Variants in OR2F2 observed in about 807,000 individuals in gnomAD.
The protein encoded by OR2F2 is olfactory receptor 2F2.
For synonymous variants in OR2F2, 161 were observed against 159.0 expected, an observed-to-expected ratio of 1.01 and a Z score of -0.09; for missense variants, 375 against 380.2, an observed-to-expected ratio of 0.99 and a Z score of 0.11.
At position 143,935,368 on chromosome 7, in the gene OR2F2, G is replaced by A. The variant is rs767270054; in HGVS notation, c.136G>A (p.Val46Ile). The change falls in exon 1 of 1, where the codon GTC (valine) becomes ATC (isoleucine). Residue 46 changes from valine to isoleucine, a missense_variant. Transcript: ENST00000408955. ...LMTVLGNCLI[V>I]LLIRLDSRLH... ...GACAGTGCTGGGGAACTGTCTCATT[G>A]TCCTTCTGATCAGACTGGACAGCCG... The A allele has an allele frequency of 1.2e-6, 2 of 1,614,042 alleles. No individual in the cohort carries two copies. The highest frequency in any genetic ancestry group is 1.7e-6 in the Non-Finnish European group (2 of 1,180,006).
In OR2F2 at chr7:143,936,138, T is replaced by G. The variant is rs758638058; in HGVS notation, c.906T>G (p.His302Gln). ...LRNKEVKGAW[H>Q]KLLEKFSGLT... ...ATAAAGAGGTGAAGGGGGCCTGGCA[T>G]AAACTATTAGAGAAATTCTCTGGGT... The change falls in exon 1 of 1, where the codon CAT (histidine) becomes CAG (glutamine). Residue 302 changes from histidine (H) to glutamine (Q), a missense_variant. Coordinates refer to ENST00000408955, the MANE Select transcript of OR2F2 (RefSeq NM_001004685.1). The G allele has an allele frequency of 1.2e-5, 19 of 1,612,232 alleles. No homozygotes were observed. The highest frequency in any genetic ancestry group is 1.7e-5 in the Admixed American group (1 of 59,598).
chr7:143,936,097 A>G lies in OR2F2; in HGVS notation c.865A>G (p.Ile289Val). 1 of 1,614,068 alleles carries G rather than the reference A, an allele frequency of 6.2e-7. No individual in the cohort carries two copies. The highest frequency in any genetic ancestry group is 2.2e-5 in the East Asian group (1 of 44,884). The change falls in exon 1 of 1, where the codon ATT (isoleucine) becomes GTT (valine). Residue 289 changes from isoleucine (I) to valine (V), a missense_variant. Ile to Val is a conservative substitution (Grantham distance 29, BLOSUM62 3). Transcript: ENST00000408955. ...AIVMPLLNPV[I>V]YSLRNKEVKG... ...TGTTATGCCTCTGCTGAACCCTGTG[A>G]TTTATAGTCTAAGGAATAAAGAGGT...
chr7:143,935,405 C>G lies in OR2F2; in HGVS notation c.173C>G (p.Pro58Arg). Residue 58 changes from proline to arginine, a missense_variant, in exon 1 of 1, where the codon CCC becomes CGC. By Grantham distance (103) the Pro-to-Arg change is moderately radical. Transcript: ENST00000408955. ...AGACTGGACAGCCGACTCCACACTC[C>G]CATGTATTTCTTTCTCACCAACCTC... is the stretch of plus-strand genomic sequence containing the variant. Reference protein sequence around the residue: ...LIRLDSRLHTPMYFFLTNLSL... With the variant: ...LIRLDSRLHTRMYFFLTNLSL... 1.9e-6 allele frequency: 3 copies of G among 1,614,164 alleles called. No homozygotes were observed. Among genetic ancestry groups the G allele is most frequent in the Non-Finnish European group, 2.5e-6 (3 of 1,180,024 alleles).
rs575599965 is a variant in OR2F2 at position 143,935,252 on chromosome 7, C to T, written c.20C>T (p.Thr7Met). 23 of 1,611,090 alleles carry T rather than the reference C, an allele frequency of 1.4e-5. No homozygotes were observed. Among genetic ancestry groups the T allele is most frequent in the East Asian group, 1.1e-4 (5 of 44,834 alleles). MEIDNQ[T>M]WVREFILLGL... Reference sequence around the variant, plus strand: ...TTTTAAATGGAAATAGATAACCAGACGTGGGTGAGAGAATTTATTCTCCTT... The same window carrying T: ...TTTTAAATGGAAATAGATAACCAGATGTGGGTGAGAGAATTTATTCTCCTT... The change falls in exon 1 of 1, where the codon ACG becomes ATG. Residue 7 changes from threonine to methionine, a missense_variant. Transcript: ENST00000408955.
At position 143,935,996 on chromosome 7, in the gene OR2F2, C is replaced by A. The variant is rs755050627; in HGVS notation, c.764C>A (p.Thr255Lys). Residue 255 changes from threonine (T) to lysine (K), a missense_variant, in exon 1 of 1, where the codon ACG (threonine) becomes AAG (lysine). Physicochemically the swap from Thr to Lys is moderately conservative, Grantham distance 78. Coordinates refer to ENST00000408955, the MANE Select transcript of OR2F2 (RefSeq NM_001004685.1). The stretch of plus-strand genomic sequence containing the variant: ...GTGGTTGCCCTGTGCTACGGCACAA[C>A]GATTTTCACTTACATCCAGCCCCAC... ...LTVVALCYGT[T>K]IFTYIQPHSG... is the part of the protein sequence containing the mutation. 6.2e-7 allele frequency: 1 copy of A among 1,613,958 alleles called. No individual in the cohort carries two copies. Among genetic ancestry groups the A allele is most frequent in the East Asian group, 2.2e-5 (1 of 44,870 alleles).
Position 143,935,415 on chromosome 7 carries a change from C to A in OR2F2, c.183C>A (p.Phe61Leu). The change falls in exon 1 of 1, where the codon TTC (phenylalanine) becomes TTA (leucine). Residue 61 changes from phenylalanine (F) to leucine (L), a missense_variant. Transcript: ENST00000408955. ...LDSRLHTPMY[F>L]FLTNLSLVDV... ...GCCGACTCCACACTCCCATGTATTT[C>A]TTTCTCACCAACCTCTCCCTTGTCG... The A allele has an allele frequency of 6.2e-7, 1 of 1,614,210 alleles. No individual in the cohort carries two copies. The highest frequency in any genetic ancestry group is 8.5e-7 in the Non-Finnish European group (1 of 1,180,034).
chr7:143,935,425 A>C lies in OR2F2; in HGVS notation c.193A>C (p.Asn65His). 6.2e-7 allele frequency: 1 copy of C among 1,614,076 alleles called. No individual in the cohort carries two copies. Among genetic ancestry groups the C allele is most frequent in the Non-Finnish European group, 8.5e-7 (1 of 1,179,996 alleles). ...LHTPMYFFLTNLSLVDVSYAT... is the reference protein window; with the variant it reads ...LHTPMYFFLTHLSLVDVSYAT... ...CACTCCCATGTATTTCTTTCTCACC[A>C]ACCTCTCCCTTGTCGATGTCTCCTA... Residue 65 changes from asparagine to histidine, a missense_variant, in exon 1 of 1, where the codon AAC (asparagine) becomes CAC (histidine). Coordinates refer to ENST00000408955, the MANE Select transcript of OR2F2 (RefSeq NM_001004685.1).
At position 143,935,868 on chromosome 7, in the gene OR2F2, C is replaced by T. The variant is rs774788890; in HGVS notation, c.636C>T (p.Cys212=). ...TTGTTCTTCTGATGACACCTTTCTG[C>T]CTGGTTCTGTTGTCCTACATCCGGA... ...SSIVLLMTPF[C]LVLLSYIRII... is the part of the protein sequence containing the mutation. Residue 212 remains cysteine, a synonymous_variant, in exon 1 of 1, where the codon TGC becomes TGT. Coordinates refer to ENST00000408955, the MANE Select transcript of OR2F2 (RefSeq NM_001004685.1). 8.1e-6 allele frequency: 13 copies of T among 1,614,080 alleles called. No homozygotes were observed. In the African/African-American group the frequency reaches 1.7e-4, roughly 22 times the overall value.
rs757395398 is a variant in OR2F2 at position 143,935,409 on chromosome 7, G to A, written c.177G>A (p.Met59Ile). 4.6e-5 allele frequency: 74 copies of A among 1,614,036 alleles called. 1 individual carries two copies. The Admixed American group carries it at 4.8e-4, about 11-fold the overall frequency. The stretch of plus-strand genomic sequence containing the variant: ...TGGACAGCCGACTCCACACTCCCAT[G>A]TATTTCTTTCTCACCAACCTCTCCC... ...IRLDSRLHTP[M>I]YFFLTNLSLV... Residue 59 changes from methionine (M) to isoleucine (I), a missense_variant, in exon 1 of 1, where the codon ATG (methionine) becomes ATA (isoleucine). Coordinates refer to ENST00000408955, the MANE Select transcript of OR2F2 (RefSeq NM_001004685.1).
Position 143,936,025 on chromosome 7 carries a change from G to C in OR2F2, c.793G>C (p.Gly265Arg). ...TIFTYIQPHS[G>R]PSVLQEKLIS... ...TTTCACTTACATCCAGCCCCACTCT[G>C]GTCCCTCAGTCCTTCAAGAGAAGCT... Residue 265 changes from glycine to arginine, a missense_variant, in exon 1 of 1, where the codon GGT becomes CGT. Physicochemically the swap from Gly to Arg is moderately radical, Grantham distance 125 (BLOSUM62 -2). Transcript: ENST00000408955. 6.2e-7 allele frequency: 1 copy of C among 1,613,904 alleles called. No homozygotes were observed.
At position 143,935,684 on chromosome 7, in the gene OR2F2, G is replaced by C; in HGVS notation, c.452G>C (p.Ser151Thr). Reference protein sequence around the residue: ...CARLAITSWVSGSINSLVQTA... With the variant: ...CARLAITSWVTGSINSLVQTA... ...AGGTTGGCCATCACATCCTGGGTCA[G>C]TGGCTCCATCAACTCTCTTGTGCAG... The change falls in exon 1 of 1, where the codon AGT (serine) becomes ACT (threonine). Residue 151 changes from serine (S) to threonine (T), a missense_variant. Transcript: ENST00000408955. 1 of 1,614,226 alleles carries C rather than the reference G, an allele frequency of 6.2e-7. No homozygotes were observed. Among genetic ancestry groups the C allele is most frequent in the Non-Finnish European group, 8.5e-7 (1 of 1,180,038 alleles).
In OR2F2 at chr7:143,936,039, T is replaced by G. The variant is rs371724112; in HGVS notation, c.807T>G (p.Leu269=). The change falls in exon 1 of 1, where the codon CTT becomes CTG. Residue 269 remains leucine, a synonymous_variant. Coordinates refer to ENST00000408955, the MANE Select transcript of OR2F2 (RefSeq NM_001004685.1). ...YIQPHSGPSV[L]QEKLISVFYA... The stretch of plus-strand genomic sequence containing the variant: ...AGCCCCACTCTGGTCCCTCAGTCCT[T>G]CAAGAGAAGCTGATCTCTGTCTTCT... The G allele has an allele frequency of 6.2e-7, 1 of 1,613,952 alleles. No homozygotes were observed. Among genetic ancestry groups the G allele is most frequent in the Non-Finnish European group, 8.5e-7 (1 of 1,180,038 alleles).
Position 143,936,018 on chromosome 7 carries a change from C to A in OR2F2, c.786C>A (p.Pro262=). 6.2e-7 allele frequency: 1 copy of A among 1,614,040 alleles called. No individual in the cohort carries two copies. Among genetic ancestry groups the A allele is most frequent in the Non-Finnish European group, 8.5e-7 (1 of 1,180,034 alleles). ...YGTTIFTYIQ[P]HSGPSVLQEK... ...CAACGATTTTCACTTACATCCAGCC[C>A]CACTCTGGTCCCTCAGTCCTTCAAG... The change falls in exon 1 of 1, where the codon CCC becomes CCA. Residue 262 remains proline (P), a synonymous_variant. Coordinates refer to ENST00000408955, the MANE Select transcript of OR2F2 (RefSeq NM_001004685.1).
Position 143,935,549 on chromosome 7 carries a change from C to T in OR2F2, c.317C>T (p.Ala106Val), listed in dbSNP as rs531071985. The T allele has an allele frequency of 2.1e-4, 340 of 1,614,196 alleles. 6 individuals are homozygous for T. The South Asian group carries it at 3.1e-3, about 15-fold the overall frequency. Residue 106 changes from alanine to valine, a missense_variant, in exon 1 of 1, where the codon GCC (alanine) becomes GTC (valine). Ala to Val is a moderately conservative substitution (Grantham distance 64, BLOSUM62 0). Transcript: ENST00000408955. ...SCAAQLFFSL[A>V]LGGIEFVLLA... ...GCAGCCCAGTTATTTTTCTCCCTGG[C>T]CTTGGGTGGGATTGAGTTTGTTCTC...
rs1286872167 is a variant in OR2F2 at position 143,935,285 on chromosome 7, C to A, written c.53C>A (p.Ser18Tyr). 3 of 1,613,976 alleles carry A rather than the reference C, an allele frequency of 1.9e-6. No homozygotes were observed. The highest frequency in any genetic ancestry group is 1.3e-5 in the African/African-American group (1 of 74,902). Residue 18 changes from serine (S) to tyrosine (Y), a missense_variant, in exon 1 of 1, where the codon TCC becomes TAC. Transcript: ENST00000408955. ...WVREFILLGL[S>Y]SDWCTQISLF... ...AGAGAATTTATTCTCCTTGGCTTATCCAGTGACTGGTGCACTCAGATATCC... is the reference window on the plus strand; with the variant it reads ...AGAGAATTTATTCTCCTTGGCTTATACAGTGACTGGTGCACTCAGATATCC...
chr7:143,935,479 G>A lies in OR2F2; in HGVS notation c.247G>A (p.Ala83Thr), dbSNP rs770609678. The change falls in exon 1 of 1, where the codon GCA becomes ACA. Residue 83 changes from alanine to threonine, a missense_variant. Coordinates refer to ENST00000408955, the MANE Select transcript of OR2F2 (RefSeq NM_001004685.1). ...YATSVVPQLLAHFLAEHKAIP... is the reference protein window; with the variant it reads ...YATSVVPQLLTHFLAEHKAIP... The stretch of plus-strand genomic sequence containing the variant: ...CACAAGCGTAGTCCCCCAGCTGCTG[G>A]CACATTTTCTTGCAGAACATAAAGC... The A allele has an allele frequency of 6.2e-6, 10 of 1,614,038 alleles. No homozygotes were observed. Among genetic ancestry groups the A allele is most frequent in the Non-Finnish European group, 8.5e-6 (10 of 1,180,048 alleles).
chr7:143,935,276 T>A lies in OR2F2; in HGVS notation c.44T>A (p.Leu15His). The change falls in exon 1 of 1, where the codon CTT becomes CAT. Residue 15 changes from leucine to histidine, a missense_variant. Leu to His is a moderately conservative substitution (Grantham distance 99, BLOSUM62 -3). Transcript: ENST00000408955. Reference protein sequence around the residue: ...NQTWVREFILLGLSSDWCTQI... With the variant: ...NQTWVREFILHGLSSDWCTQI... Reference sequence around the variant, plus strand: ...ACGTGGGTGAGAGAATTTATTCTCCTTGGCTTATCCAGTGACTGGTGCACT... The same window carrying A: ...ACGTGGGTGAGAGAATTTATTCTCCATGGCTTATCCAGTGACTGGTGCACT... 6.2e-7 allele frequency: 1 copy of A among 1,614,154 alleles called. No individual in the cohort carries two copies. The highest frequency in any genetic ancestry group is 2.2e-5 in the East Asian group (1 of 44,892).
In OR2F2 at chr7:143,935,424, C is replaced by T; in HGVS notation, c.192C>T (p.Thr64=). 2 of 1,614,156 alleles carry T rather than the reference C, an allele frequency of 1.2e-6. No individual in the cohort carries two copies. Among genetic ancestry groups the T allele is most frequent in the Admixed American group, 1.7e-5 (1 of 60,016 alleles). The part of the protein sequence containing the change: ...RLHTPMYFFL[T]NLSLVDVSYA... ...ACACTCCCATGTATTTCTTTCTCAC[C>T]AACCTCTCCCTTGTCGATGTCTCCT... The change falls in exon 1 of 1, where the codon ACC becomes ACT. Residue 64 remains threonine (T), a synonymous_variant. Transcript: ENST00000408955.
Position 143,935,950 on chromosome 7 carries a change from A to G in OR2F2, c.718A>G (p.Thr240Ala). ...SREGRKKAFH[T>A]CASHLTVVAL... ...AGAAGGAAGAAAGAAAGCCTTCCAC[A>G]CGTGTGCCTCTCACCTCACGGTGGT... The change falls in exon 1 of 1, where the codon ACG (threonine) becomes GCG (alanine). Residue 240 changes from threonine to alanine, a missense_variant. By Grantham distance (58) the Thr-to-Ala change is moderately conservative. Transcript: ENST00000408955. 1 of 1,613,724 alleles carries G rather than the reference A, an allele frequency of 6.2e-7. No individual in the cohort carries two copies. Among genetic ancestry groups the G allele is most frequent in the Non-Finnish European group, 8.5e-7 (1 of 1,179,922 alleles).
Sources: gnomAD v4.1 joint callset for allele counts on GRCh38, gnomAD v4.1.1 for gene constraint, MANE v1.5 for transcripts, NCBI Gene and HGNC (gene_info 2026-07-23, HGNC 2026-07-21) for gene names.